The following GTPBP10 variants were observed in gnomAD, a reference collection of about 807,000 sequenced individuals.
GTPBP10 encodes GTP-binding protein 10.
In GTPBP10, 38 loss-of-function variants were observed where a neutral mutation model predicts 44.8. The observed-to-expected ratio is 0.85, with a 90% CI of 0.65 to 1.11. GTPBP10 has a LOEUF of 1.11. Ranked by LOEUF, GTPBP10 falls within the 50% of genes most tolerant of loss-of-function variation. The pLI is 0.00. For missense variants in GTPBP10, 462 were observed against 453.7 expected (o/e 1.02, Z -0.17); for synonymous variants, 152 against 150.6 (o/e 1.01, Z -0.07).
chr7:90,359,595 T>C (rs1795973071), intron 4 of GTPBP10, among the ~76,000 whole-genome samples: 1 of 152,194 alleles, frequency 6.6e-6, no homozygotes, highest in Non-Finnish European at 1.5e-5. Context: ...AGTGCCACAA[T>C]AAACATACGT....
chr7:90,365,144 A>G (rs1000789408), intron 4 of GTPBP10, among the ~76,000 whole-genome samples: 4 of 152,040 alleles, frequency 2.6e-5, no homozygotes, highest in African/African-American at 9.7e-5. Context: ...TCCTGCACCC[A>G]CTATCCAACA....
At chr7:90,382,624 T>A (rs1037534966) in intron 8 of GTPBP10, among the ~76,000 whole-genome samples, 28 of 152,318 alleles carry the variant, frequency 1.8e-4, no homozygotes, top group African/African-American at 6.7e-4. Flanking sequence ...TATTCCTAAG[T>A]GCATTTACTT....
chr7:90,377,049 C>T (rs1584645167), intron 6 of GTPBP10, among the ~76,000 whole-genome samples: 1 of 152,066 alleles, frequency 6.6e-6, no homozygotes, highest in Non-Finnish European at 1.5e-5. Context: ...GATAGCGAGA[C>T]CCTGTCTCTA....
At chr7:90,366,001 T>C (rs1048334184) in intron 4 of GTPBP10, among the ~76,000 whole-genome samples, 1 of 152,248 alleles carries the variant, frequency 6.6e-6, no homozygotes, top group Non-Finnish European at 1.5e-5. Flanking sequence ...CGAAGGCCTT[T>C]TCTGCATCTA....
chr7:90,362,040 G>C, intron 4 of GTPBP10, among the ~76,000 whole-genome samples: 1 of 151,894 alleles, frequency 6.6e-6, no homozygotes. Flanking sequence ...TATTAGTCTT[G>C]CTAGCGGTCT....
intron 7 of GTPBP10, 68 bp downstream of exon 7, chr7:90,377,682 AT>A (rs1248124477): frequency 3.8e-6 from 4 of 1,062,830 alleles, no homozygotes; most frequent in Admixed American, 4.7e-5. Context: ...TTTTTCTAGA[AT>A]TTTTTTATAA....
intron 4 of GTPBP10, among the ~76,000 whole-genome samples, chr7:90,358,997 C>T (rs1375720812): frequency 6.6e-6 from 1 of 152,022 alleles, no homozygotes; most frequent in Non-Finnish European, 1.5e-5. Flanking sequence ...AGAAAATGTT[C>T]AACATCACTA....
chr7:90,366,332 G>A (rs1796133753), intron 4 of GTPBP10, among the ~76,000 whole-genome samples: 1 of 152,112 alleles, frequency 6.6e-6, no homozygotes, highest in East Asian at 1.9e-4. Flanking sequence ...CTATTGAATG[G>A]AATTGTTTCA....
At chr7:90,358,918 A>G (rs1562955053) in intron 4 of GTPBP10, among the ~76,000 whole-genome samples, 1 of 152,150 alleles carries the variant, frequency 6.6e-6, no homozygotes, top group African/African-American at 2.4e-5. Context: ...CAATTCCGTT[A>G]AAAAGTGGAC....
In GTPBP10 at chr7:90,372,482, C is replaced by CTTTTTTTTTTTTTTTTTTTTTTTTTTT. The variant is rs757973599; in HGVS notation, c.538+269_538+270insTTTTTTTTTTTTTTTTTTTTTTTTTTT. ...GGTATGTGCCACCATGCTTGGCTAA[C>CTTTTTTTTTTTTTTTTTTTTTTTTTTT]TTTTTTTTTTTTTTTGTGGGGACAG... On this transcript the variant is annotated intron_variant, in intron 5 of 9. Coordinates refer to ENST00000222511, the MANE Select transcript of GTPBP10 (RefSeq NM_033107.4). Among the ~76,000 whole-genome samples, 6 of 112,206 alleles carry CTTTTTTTTTTTTTTTTTTTTTTTTTTT rather than the reference C, an allele frequency of 5.3e-5. 1 individual carries two copies. Among genetic ancestry groups the CTTTTTTTTTTTTTTTTTTTTTTTTTTT allele is most frequent in the African/African-American group, 2.4e-4 (6 of 25,278 alleles). The allele number at this position is 112,206 out of a possible 152,430, so 73.6% of individuals were successfully genotyped here. A position where few individuals can be genotyped will look rare whatever the true frequency, so the allele number is the denominator to read the frequency against.
intron 4 of GTPBP10, among the ~76,000 whole-genome samples, chr7:90,362,003 T>C (rs1796032033): frequency 6.6e-6 from 1 of 152,240 alleles, no homozygotes; most frequent in Non-Finnish European, 1.5e-5. Context: ...TTATTGCGTC[T>C]ATTTGATTCT....
rs1449528611 is a variant in GTPBP10, at chr7:90,388,416, C to G, written c.*3262C>G. On this transcript the variant is annotated 3_prime_UTR_variant, in exon 10 of 10. Transcript: ENST00000222511. ...AAATTTTTACAAAGTCCCAGTAGTT[C>G]TTGCAGAGCTTTCTATAATATCAGA... The G allele has an allele frequency of 6.6e-6, 1 of 151,720 alleles. No homozygotes were observed. Among genetic ancestry groups the G allele is most frequent in the Admixed American group, 6.6e-5 (1 of 15,194 alleles). The allele number at this position is 151,720 out of a possible 1,614,324, so 9.4% of individuals were successfully genotyped here.
intron 7 of GTPBP10, 109 bp from the exon 8 acceptor site, chr7:90,378,025 G>A: frequency 2.2e-6 from 3 of 1,337,992 alleles, no homozygotes; most frequent in South Asian, 1.5e-5. Flanking sequence ...AACAAGTAGA[G>A]TATAGAGAAA....
intron 4 of GTPBP10, among the ~76,000 whole-genome samples, chr7:90,363,678 G>C (rs909981287): frequency 1.3e-5 from 2 of 152,120 alleles, no homozygotes; most frequent in Admixed American, 6.6e-5. Context: ...TTGAATGTTG[G>C]CCTGCCTTGC....
chr7:90,365,676 G>C (rs1017327687), intron 4 of GTPBP10, among the ~76,000 whole-genome samples: 1 of 152,266 alleles, frequency 6.6e-6, no homozygotes, highest in East Asian at 1.9e-4. Context: ...GCGCCCGGCC[G>C]GGGTTTTCTA....
chr7:90,347,316 C>G (rs1395609411), intron 1 of GTPBP10, among the ~76,000 whole-genome samples: 1 of 152,026 alleles, frequency 6.6e-6, no homozygotes, highest in East Asian at 1.9e-4. Context: ...CTTTTTGAAA[C>G]GTTGCCTGCG....
rs1411744034 is a variant in GTPBP10, at chr7:90,386,108, GC to G, written c.*957del. ...ATTACATTTTACAAGTTTATGGCCAGCCCACCTGTAATAACATTCTCTGATA... is the reference window on the plus strand; with the variant it reads ...ATTACATTTTACAAGTTTATGGCCAGCCACCTGTAATAACATTCTCTGATA... On this transcript the variant is annotated 3_prime_UTR_variant, in exon 10 of 10. Coordinates refer to ENST00000222511, the MANE Select transcript of GTPBP10 (RefSeq NM_033107.4). The G allele has an allele frequency of 6.6e-6, 1 of 151,386 alleles. No individual in the cohort carries two copies. Among genetic ancestry groups the G allele is most frequent in the African/African-American group, 2.4e-5 (1 of 41,268 alleles). The allele number at this position is 151,386 out of a possible 1,614,324, so 9.4% of individuals were successfully genotyped here.
At chr7:90,374,639 A>T (rs1796313561) in intron 6 of GTPBP10, among the ~76,000 whole-genome samples, 1 of 152,088 alleles carries the variant, frequency 6.6e-6, no homozygotes, top group African/African-American at 2.4e-5. Context: ...ACTATATTGG[A>T]TTATTTATCT....
At chr7:90,379,824 A>G (rs1000264669) in intron 8 of GTPBP10, among the ~76,000 whole-genome samples, 2 of 152,180 alleles carry the variant, frequency 1.3e-5, no homozygotes, top group Non-Finnish European at 2.9e-5. Flanking sequence ...CATGAATGTC[A>G]ACACTTGTTA....
Sources: gnomAD v4.1 joint callset for allele counts (sites outside exome capture counted in the v4.1 genomes callset) on GRCh38, gnomAD v4.1.1 for gene constraint, MANE v1.5 for transcripts, NCBI Gene and HGNC (gene_info 2026-07-23, HGNC 2026-07-21) for gene names.